ANO6: variants seen among roughly 807,000 people sequenced by gnomAD.
The protein encoded by ANO6 is anoctamin-6.
ANO6 carries 106 observed loss-of-function variants against 117.5 expected under a neutral mutation model. That is an observed-to-expected ratio of 0.90 (90% CI 0.77 to 1.06). The LOEUF (loss-of-function observed/expected upper bound fraction) is 1.06. Ranked by LOEUF, ANO6 falls within the 50% of genes least tolerant of loss-of-function variation. The pLI, the probability that ANO6 is intolerant of heterozygous loss-of-function variation, is 0.00. For synonymous variants in ANO6, 367 were observed against 385.1 expected (o/e 0.95, Z 0.55); for missense variants, 955 against 1,121.1 (o/e 0.85, Z 2.12).
rs373479728 is a variant in ANO6, at chr12:45,262,431, T to C, written c.71-39583T>C. On this transcript the variant is annotated intron_variant, in intron 1 of 19. Transcript: ENST00000320560. Reference sequence around the variant, plus strand: ...TATCCATTTCCAGAGCTTTTTTTTTTTTCTTTTTTGAGACGGAGTTTCGCT... The same window carrying C: ...TATCCATTTCCAGAGCTTTTTTTTTCTTCTTTTTTGAGACGGAGTTTCGCT... 9.2e-5 allele frequency among the ~76,000 whole-genome samples: 14 copies of C among 152,282 alleles called. 1 individual carries two copies. In the East Asian group the frequency reaches 1.9e-3, roughly 21 times the overall value.
intron 1 of ANO6, among the ~76,000 whole-genome samples, chr12:45,234,563 C>G (rs1241301449): frequency 6.6e-6 from 1 of 152,128 alleles, no homozygotes; most frequent in African/African-American, 2.4e-5. Flanking sequence ...TTGTTCAGGC[C>G]CCTTTTCCAA....
chr12:45,236,843 C>T (rs1028792313), intron 1 of ANO6, among the ~76,000 whole-genome samples: 1 of 152,212 alleles, frequency 6.6e-6, no homozygotes, highest in African/African-American at 2.4e-5. Context: ...TCACTCCCAC[C>T]AACAGTGTAA....
chr12:45,256,145 A>G (rs981175861), intron 1 of ANO6, among the ~76,000 whole-genome samples: 1 of 152,092 alleles, frequency 6.6e-6, no homozygotes, highest in Admixed American at 6.5e-5. Flanking sequence ...TCTTGAAGTG[A>G]CTGCATCTCT....
At chr12:45,349,000 C>T (rs867261895) in intron 6 of ANO6, among the ~76,000 whole-genome samples, 1 of 152,158 alleles carries the variant, frequency 6.6e-6, no homozygotes, top group African/African-American at 2.4e-5. Context: ...TCCATTTCCT[C>T]ATCAATAAGC....
chr12:45,302,019 G>A lies in ANO6; in HGVS notation c.76G>A (p.Glu26Lys), dbSNP rs1238619420. The A allele has an allele frequency of 1.9e-6, 3 of 1,613,778 alleles. No individual in the cohort carries two copies. The highest frequency in any genetic ancestry group is 2.5e-6 in the Non-Finnish European group (3 of 1,179,860). The change falls in exon 2 of 20, where the codon GAA becomes AAA. Residue 26 changes from glutamate to lysine, a missense_variant. By Grantham distance (56) the Glu-to-Lys change is moderately conservative. Coordinates refer to ENST00000320560, the MANE Select transcript of ANO6 (RefSeq NM_001025356.3). ...ATATATTCATTCGTTTTTAGTGTTG[G>A]AAAACCTTGGACAGACAATTGTCCC... ...EDDDDGDIVLENLGQTIVPDL... is the reference protein window; with the variant it reads ...EDDDDGDIVLKNLGQTIVPDL...
At chr12:45,294,261 C>T (rs561595853) in intron 1 of ANO6, among the ~76,000 whole-genome samples, 15 of 152,216 alleles carry the variant, frequency 9.9e-5, no homozygotes. Flanking sequence ...AAAGGGGAAC[C>T]TTTTGAGGAA....
intron 12 of ANO6, among the ~76,000 whole-genome samples, chr12:45,394,009 C>T (rs1048642654): frequency 1.2e-4 from 18 of 152,146 alleles, no homozygotes; most frequent in African/African-American, 4.1e-4. Context: ...TAAACTTAAA[C>T]GTAAATGGGC....
intron 1 of ANO6, among the ~76,000 whole-genome samples, chr12:45,242,336 C>T (rs1014038761): frequency 5.3e-5 from 8 of 152,232 alleles, no homozygotes; most frequent in South Asian, 2.1e-4. Context: ...CTCAGACTGC[C>T]GCACTAGCAG....
intron 4 of ANO6, 101 bp downstream of exon 4, chr12:45,347,188 C>A: frequency 9.0e-7 from 1 of 1,110,440 alleles, no homozygotes; most frequent in Non-Finnish European, 1.4e-6. Context: ...GCAGCCCTGG[C>A]CACATCTTAG....
At chr12:45,265,484 G>A (rs1002787495) in intron 1 of ANO6, among the ~76,000 whole-genome samples, 2 of 152,146 alleles carry the variant, frequency 1.3e-5, no homozygotes, top group African/African-American at 4.8e-5. Flanking sequence ...TAGCAGTTAT[G>A]TCTTGAGTGC....
intron 1 of ANO6, among the ~76,000 whole-genome samples, chr12:45,255,587 G>A (rs1467656744): frequency 6.6e-6 from 1 of 152,116 alleles, no homozygotes; most frequent in African/African-American, 2.4e-5. Flanking sequence ...GGAATCATAG[G>A]ATTCTTAATT....
At chr12:45,341,668 A>AG (rs1940981637) in intron 3 of ANO6, among the ~76,000 whole-genome samples, 1 of 152,124 alleles carries the variant, frequency 6.6e-6, no homozygotes, top group African/African-American at 2.4e-5. Context: ...AGAAGAGTCA[A>AG]GGGGGAGTCT....
chr12:45,396,464 A>T (rs1435139357), intron 12 of ANO6, among the ~76,000 whole-genome samples: 1 of 152,234 alleles, frequency 6.6e-6, no homozygotes, highest in African/African-American at 2.4e-5. Context: ...GCTACCAATG[A>T]CTTTCTTCAC....
At chr12:45,259,830 A>T (rs1937962980) in intron 1 of ANO6, among the ~76,000 whole-genome samples, 1 of 152,272 alleles carries the variant, frequency 6.6e-6, no homozygotes, top group Non-Finnish European at 1.5e-5. Context: ...GAAAGCATGT[A>T]CAGCAACCAA....
intron 2 of ANO6, among the ~76,000 whole-genome samples, chr12:45,317,740 T>A (rs7487910): frequency 0.78 from 119,285 of 151,968 alleles, 49,741 homozygotes; most frequent in Non-Finnish European, 0.94. Context: ...TCCCACCAAC[T>A]GTGTAAAAGT....
Position 45,422,963 on chromosome 12 carries a change from T to G in ANO6, c.2427T>G (p.Arg809=). 6.2e-7 allele frequency: 1 copy of G among 1,610,516 alleles called. No homozygotes were observed. Among genetic ancestry groups the G allele is most frequent in the Non-Finnish European group, 8.5e-7 (1 of 1,176,670 alleles). Residue 809 remains arginine, a synonymous_variant, in exon 19 of 20, where the codon CGT becomes CGG. Coordinates refer to ENST00000320560, the MANE Select transcript of ANO6 (RefSeq NM_001025356.3). ...GTCTCCATTTTGTTTTCAGGTATCG[T>G]GATTTCCGATACCCACCTGGACACC... ...DLGNHTTCRY[R]DFRYPPGHPQ...
At position 45,431,649 on chromosome 12, in the gene ANO6, C is replaced by G. The variant is rs1191825038; in HGVS notation, c.*2338C>G. 1.0e-6 allele frequency: 1 copy of G among 985,280 alleles called. No homozygotes were observed. Among genetic ancestry groups the G allele is most frequent in the Non-Finnish European group, 1.2e-6 (1 of 829,954 alleles). The allele number at this position is 985,280 out of a possible 1,614,324, so 61.0% of individuals were successfully genotyped here. On this transcript the variant is annotated 3_prime_UTR_variant, in exon 20 of 20. Transcript: ENST00000320560. ...CAGGGTCATTTCCCCATGCCATCCA[C>G]AGTGTTTGTTAGTGAGTCCACGGCT...
chr12:45,372,096 G>T (rs1358633769), intron 9 of ANO6, among the ~76,000 whole-genome samples: 2 of 152,180 alleles, frequency 1.3e-5, no homozygotes, highest in Non-Finnish European at 2.9e-5. Flanking sequence ...CGATCAACTG[G>T]AAGAAAGGGT....
chr12:45,438,739 G>C (rs1943736688), intron 19 of ANO6, among the ~76,000 whole-genome samples: 1 of 152,152 alleles, frequency 6.6e-6, no homozygotes, highest in Non-Finnish European at 1.5e-5. Context: ...ACTTGTAGTA[G>C]TGTGACTAGT....
Sources: gnomAD v4.1 joint callset for allele counts (sites outside exome capture counted in the v4.1 genomes callset) on GRCh38, gnomAD v4.1.1 for gene constraint, MANE v1.5 for transcripts, NCBI Gene and HGNC (gene_info 2026-07-23, HGNC 2026-07-21) for gene names.